DEPDC7: variants seen among roughly 807,000 people sequenced by gnomAD.
The protein encoded by DEPDC7 is DEP domain-containing protein 7.
In DEPDC7, 41 loss-of-function variants were observed where a neutral mutation model predicts 56.6. That is an observed-to-expected ratio of 0.72 (90% CI 0.56 to 0.94). The LOEUF (loss-of-function observed/expected upper bound fraction) is 0.94, where lower values mean the gene tolerates loss of function less well. DEPDC7 is among the 40% of genes least tolerant of loss of function. The pLI is 0.00. For synonymous variants in DEPDC7, 185 were observed against 208.8 expected (o/e 0.89, Z 0.98); for missense variants, 522 against 596.3 (o/e 0.88, Z 1.30).
At chr11:33,019,874 G>C (rs1295542058) in intron 1 of DEPDC7, among the ~76,000 whole-genome samples, 1 of 145,876 alleles carries the variant, frequency 6.9e-6, no homozygotes, top group Non-Finnish European at 1.5e-5. Context: ...TCTGGATTCA[G>C]TTCCTTTTTT....
At chr11:33,016,150 G>A (rs1216161233) in intron 1 of DEPDC7, 122 bp downstream of exon 1, 5 of 1,237,188 alleles carry the variant, frequency 4.0e-6, no homozygotes, top group Non-Finnish European at 5.0e-6. Flanking sequence ...CGGCCGGCTG[G>A]GCGAGCACAG....
rs1853574910 is a variant in DEPDC7, at chr11:33,026,022, AAG to A, written c.441_442del (p.Asn148GlnfsTer14). On this transcript the variant is annotated frameshift_variant, in exon 2 of 9. Coordinates refer to ENST00000241051, the MANE Select transcript of DEPDC7 (RefSeq NM_001077242.2). LOFTEE classifies it high-confidence loss of function. ...CCTAACCAAGACAGTCAGTTAGGCA[AAG>A]AGAACAAACTATATTCACCTGCCAG... 1 of 1,613,940 alleles carries A rather than the reference AAG, an allele frequency of 6.2e-7. No homozygotes were observed. Among genetic ancestry groups the A allele is most frequent in the South Asian group, 1.1e-5 (1 of 91,088 alleles).
chr11:33,033,548 T>C lies in DEPDC7; in HGVS notation c.*93T>C. On this transcript the variant is annotated 3_prime_UTR_variant, in exon 9 of 9. Transcript: ENST00000241051. ...ATTTGTAAGCGTGGAAGCTCTAAAT[T>C]TGAAACTGTACTTAATAAAAATTTT... 1.0e-6 allele frequency: 1 copy of C among 983,026 alleles called. No individual in the cohort carries two copies. The highest frequency in any genetic ancestry group is 2.0e-5 in the South Asian group (1 of 48,980). 60.9% of individuals were successfully genotyped at this position (983,026 alleles called of 1,614,324 possible).
At chr11:33,024,385 C>CT (rs1853553185) in intron 1 of DEPDC7, among the ~76,000 whole-genome samples, 1 of 152,052 alleles carries the variant, frequency 6.6e-6, no homozygotes, top group Non-Finnish European at 1.5e-5. Context: ...TAATAGGAGG[C>CT]TTTAAAAATA....
chr11:33,029,489 CA>C (rs10610753), intron 4 of DEPDC7, among the ~76,000 whole-genome samples: 6,130 of 93,194 alleles, frequency 0.066, 119 homozygotes, highest in Middle Eastern at 0.15. Flanking sequence ...GAGAATGTCT[CA>C]AAAAAAAAAA....
In DEPDC7 at chr11:33,033,248, T is replaced by G. The variant is rs2273540; in HGVS notation, c.1343-14T>G. 611,984 of 1,548,752 alleles carry G rather than the reference T, an allele frequency of 0.4. 122,736 individuals carry two copies. Among genetic ancestry groups the G allele is most frequent in the African/African-American group, 0.44 (31,684 of 71,826 alleles). ...TTGAGTCATTAACTGAACTTTTTAC[T>G]TTTAAACTTTAAGGATATATTTATT... On this transcript the variant is annotated splice_polypyrimidine_tract_variant and intron_variant, in intron 8 of 8. Coordinates refer to ENST00000241051, the MANE Select transcript of DEPDC7 (RefSeq NM_001077242.2).
intron 1 of DEPDC7, among the ~76,000 whole-genome samples, chr11:33,019,133 C>G (rs1391901042): frequency 6.6e-6 from 1 of 152,196 alleles, no homozygotes; most frequent in Non-Finnish European, 1.5e-5. Context: ...GCTGCGTTAA[C>G]TCAAGTTTCC....
Position 33,023,534 on chromosome 11 carries a change from G to GTTTA in DEPDC7, c.74-2110_74-2107dup, listed in dbSNP as rs1254248329. 1.0e-3 allele frequency among the ~76,000 whole-genome samples: 154 copies of GTTTA among 152,044 alleles called. 1 individual carries two copies. The highest frequency in any genetic ancestry group is 3.5e-3 in the African/African-American group (144 of 41,484). On this transcript the variant is annotated intron_variant, in intron 1 of 8. Coordinates refer to ENST00000241051, the MANE Select transcript of DEPDC7 (RefSeq NM_001077242.2). ...CTCTAGTGCACTAAGAGGAGTTTTT[G>GTTTA]TTTATTTATTTATTTATTAGACGGA...
intron 1 of DEPDC7, among the ~76,000 whole-genome samples, chr11:33,017,390 A>C (rs1386390603): frequency 1.3e-5 from 2 of 152,178 alleles, no homozygotes. Flanking sequence ...TGAAATACCA[A>C]TTCTGGAGCT....
In DEPDC7 at chr11:33,025,981, T is replaced by G; in HGVS notation, c.396T>G (p.Tyr132Ter). Residue 132 changes from tyrosine to a stop codon, truncating the protein, a stop_gained, in exon 2 of 9, where the codon TAT becomes TAG. Coordinates refer to ENST00000241051, the MANE Select transcript of DEPDC7 (RefSeq NM_001077242.2). LOFTEE classifies it high-confidence loss of function. Reference protein sequence around the residue: ...PTFEDSSCSLYRFTTIPNQDS... With the variant: ...PTFEDSSCSL ...TTGAAGATAGTAGTTGCAGCCTTTA[T>G]AGATTCACCACAATACCTAACCAAG... The G allele has an allele frequency of 6.2e-7, 1 of 1,614,120 alleles. No individual in the cohort carries two copies. Among genetic ancestry groups the G allele is most frequent in the Non-Finnish European group, 8.5e-7 (1 of 1,180,022 alleles).
intron 1 of DEPDC7, 125 bp from the exon 2 acceptor site, chr11:33,025,534 C>A: frequency 1.1e-6 from 1 of 879,794 alleles, no homozygotes; most frequent in South Asian, 1.8e-5. Context: ...AGTAAGCTAC[C>A]CTCATAATTG....
At position 33,031,416 on chromosome 11, in the gene DEPDC7, A is replaced by T; in HGVS notation, c.821A>T (p.Glu274Val). ...EWLSAAIDCLEYLPDQMVVEI... is the reference protein window; with the variant it reads ...EWLSAAIDCLVYLPDQMVVEI... ...CTCTCGGCAGCAATTGACTGTTTAGAATACCTTCCAGACCAAATGGTGGTG... is the reference window on the plus strand; with the variant it reads ...CTCTCGGCAGCAATTGACTGTTTAGTATACCTTCCAGACCAAATGGTGGTG... The change falls in exon 5 of 9, where the codon GAA becomes GTA. Residue 274 changes from glutamate to valine, a missense_variant. Transcript: ENST00000241051. 2 of 1,614,198 alleles carry T rather than the reference A, an allele frequency of 1.2e-6. No individual in the cohort carries two copies. Among genetic ancestry groups the T allele is most frequent in the South Asian group, 1.1e-5 (1 of 91,082 alleles).
chr11:33,025,625 A>C (rs761527124), intron 1 of DEPDC7, 34 bp from the exon 2 acceptor site: 2 of 1,574,136 alleles, frequency 1.3e-6, no homozygotes, highest in Admixed American at 1.8e-5. Context: ...CAAGGTACTA[A>C]ATCCCAGTTT....
rs1048320327 is a variant in DEPDC7, at chr11:33,031,369, C to T, written c.783-9C>T. On this transcript the variant is annotated splice_polypyrimidine_tract_variant and intron_variant, in intron 4 of 8. Transcript: ENST00000241051. The stretch of plus-strand genomic sequence containing the variant: ...TGCCTTTTAAATAATCTTCCCCTCT[C>T]CCCTATAGGGAAGATGAGTGGCTCT... 3 of 1,589,044 alleles carry T rather than the reference C, an allele frequency of 1.9e-6. No homozygotes were observed. The highest frequency in any genetic ancestry group is 1.3e-5 in the African/African-American group (1 of 74,410).
chr11:33,027,203 A>G (rs1853588684), intron 2 of DEPDC7, among the ~76,000 whole-genome samples: 1 of 152,228 alleles, frequency 6.6e-6, no homozygotes. Context: ...TAAACAAAAG[A>G]ATATACTACC....
Position 33,020,750 on chromosome 11 carries a change from G to A in DEPDC7, c.73+4722G>A, listed in dbSNP as rs73476665. Among the ~76,000 whole-genome samples, 1,061 of 152,236 alleles carry A rather than the reference G, an allele frequency of 7.0e-3. 5 individuals are homozygous for A. Among genetic ancestry groups the A allele is most frequent in the African/African-American group, 0.022 (906 of 41,550 alleles). On this transcript the variant is annotated intron_variant, in intron 1 of 8. Coordinates refer to ENST00000241051, the MANE Select transcript of DEPDC7 (RefSeq NM_001077242.2). ...ACTCCTGGCCTCAAGCAATCTTCCC[G>A]CCATGGCCTCCCAAAGTCCTGGGGT...
chr11:33,028,897 A>G, intron 4 of DEPDC7, 105 bp downstream of exon 4: 1 of 726,802 alleles, frequency 1.4e-6, no homozygotes, highest in Non-Finnish European at 2.1e-6. Context: ...TCAGATATGC[A>G]TTGTTAGTTG....
intron 2 of DEPDC7, among the ~76,000 whole-genome samples, chr11:33,027,145 G>A (rs992643462): frequency 2.6e-5 from 4 of 152,166 alleles, no homozygotes; most frequent in Non-Finnish European, 4.4e-5. Flanking sequence ...CATCCCTGGA[G>A]GCATCTGGGA....
intron 4 of DEPDC7, among the ~76,000 whole-genome samples, chr11:33,030,940 A>T (rs1236734864): frequency 3.9e-5 from 6 of 152,134 alleles, no homozygotes; most frequent in Admixed American, 2.6e-4. Flanking sequence ...CTAAAGGGAG[A>T]GCTAATAGAT....
Sources: allele counts gnomAD v4.1 joint callset (sites outside exome capture counted in the v4.1 genomes callset), GRCh38; gene constraint gnomAD v4.1.1; transcripts MANE v1.5; gene names NCBI Gene and HGNC (gene_info 2026-07-23, HGNC 2026-07-21).